Variants in NDRG3 observed in about 807,000 individuals in gnomAD.
NDRG3 encodes the protein NDRG family member 3.
Under a neutral mutation model 57.2 loss-of-function variants are expected in NDRG3, and 23 were observed. The observed-to-expected ratio is 0.40, with a 90% CI of 0.29 to 0.57. The LOEUF is 0.57. Among genes scored for constraint, NDRG3 ranks in the 20% least tolerant of loss-of-function variants. NDRG3 has a pLI of 0.42. For synonymous variants in NDRG3, 132 were observed against 162.6 expected (o/e 0.81, Z 1.43); for missense variants, 384 against 457.3 (o/e 0.84, Z 1.46).
chr20:36,730,195 T>C (rs1459672539), intron 1 of NDRG3, among the ~76,000 whole-genome samples: 3 of 148,770 alleles, frequency 2.0e-5, no homozygotes, highest in Admixed American at 2.0e-4. Flanking sequence ...TGCAGTGAGG[T>C]GAGATTGTGC....
intron 1 of NDRG3, among the ~76,000 whole-genome samples, chr20:36,734,997 A>G (rs1282695589): frequency 6.6e-6 from 1 of 152,148 alleles, no homozygotes; most frequent in Non-Finnish European, 1.5e-5. Context: ...ATAAAAGAGG[A>G]AATTCCAGAA....
intron 3 of NDRG3, among the ~76,000 whole-genome samples, chr20:36,695,672 C>G (rs943436205): frequency 2.0e-5 from 3 of 152,208 alleles, no homozygotes; most frequent in Non-Finnish European, 2.9e-5. Context: ...CAGACCAGTT[C>G]TCTGCTCTTG....
At chr20:36,730,049 C>T (rs1328929837) in intron 1 of NDRG3, among the ~76,000 whole-genome samples, 1 of 151,566 alleles carries the variant, frequency 6.6e-6, no homozygotes, top group Admixed American at 6.6e-5. Context: ...GAGTTTGAGA[C>T]CAGCCTGGCC....
intron 2 of NDRG3, among the ~76,000 whole-genome samples, chr20:36,707,621 T>C (rs1198860787): frequency 2.0e-5 from 3 of 152,118 alleles, no homozygotes; most frequent in Admixed American, 6.6e-5. Flanking sequence ...GGACAAGTCA[T>C]TGAATCATTT....
At chr20:36,683,819 CCTA>C (rs1357096545) in intron 6 of NDRG3, among the ~76,000 whole-genome samples, 1 of 151,878 alleles carries the variant, frequency 6.6e-6, no homozygotes, top group Non-Finnish European at 1.5e-5. Context: ...TATCCATCTA[CCTA>C]CTACTATCTA....
intron 1 of NDRG3, among the ~76,000 whole-genome samples, chr20:36,736,634 A>G (rs1213133870): frequency 6.6e-6 from 1 of 152,144 alleles, no homozygotes; most frequent in African/African-American, 2.4e-5. Flanking sequence ...ACGGTAATGG[A>G]TGTTGGTTCT....
At chr20:36,700,777 TCTTC>T (rs1705553789) in intron 3 of NDRG3, 1 of 186,080 alleles carries the variant, frequency 5.4e-6, no homozygotes, top group Non-Finnish European at 1.1e-5. Flanking sequence ...TCCTTTTCTT[TCTTC>T]TTTTTTTTTG....
chr20:36,723,607 C>T (rs1441786384), intron 1 of NDRG3, among the ~76,000 whole-genome samples: 6 of 148,300 alleles, frequency 4.0e-5, no homozygotes, highest in African/African-American at 1.3e-4. Flanking sequence ...AAAGGAGAAG[C>T]AATTATGTCT....
chr20:36,682,352 G>A (rs921608709), intron 7 of NDRG3, among the ~76,000 whole-genome samples, 166 bp downstream of exon 7: 2 of 152,128 alleles, frequency 1.3e-5, no homozygotes, highest in Non-Finnish European at 2.9e-5. Context: ...TTCAGGTATT[G>A]TTAAGTACAA....
At chr20:36,684,380 A>T (rs1036205800) in intron 6 of NDRG3, 33 bp downstream of exon 6, 11 of 1,578,834 alleles carry the variant, frequency 7.0e-6, no homozygotes, top group Non-Finnish European at 9.6e-6. Context: ...AAAGTCAATA[A>T]AAACTGCATG....
chr20:36,696,990 T>C (rs1230645895), intron 3 of NDRG3, among the ~76,000 whole-genome samples: 1 of 152,154 alleles, frequency 6.6e-6, no homozygotes, highest in East Asian at 1.9e-4. Context: ...TGAGGGCAAG[T>C]AGAACACTTA....
At chr20:36,667,876 C>A (rs989034701) in intron 9 of NDRG3, among the ~76,000 whole-genome samples, 1 of 152,086 alleles carries the variant, frequency 6.6e-6, no homozygotes. Flanking sequence ...GAAGGGTACG[C>A]GAATCACTAC....
chr20:36,725,954 G>A, intron 1 of NDRG3, among the ~76,000 whole-genome samples: 1 of 148,570 alleles, frequency 6.7e-6, no homozygotes. Flanking sequence ...TTTGAGATGG[G>A]GTCTTACTCT....
chr20:36,670,690 A>G (rs111757453), intron 9 of NDRG3, among the ~76,000 whole-genome samples: 216 of 152,300 alleles, frequency 1.4e-3, no homozygotes, highest in African/African-American at 4.5e-3. Context: ...TTTCCTTCAG[A>G]TAACATTTAA....
intron 15 of NDRG3, among the ~76,000 whole-genome samples, chr20:36,656,157 A>C (rs1345582739): frequency 6.6e-6 from 1 of 151,340 alleles, no homozygotes; most frequent in African/African-American, 2.4e-5. Flanking sequence ...AAAAAAAAGA[A>C]TATATATTGC....
At chr20:36,711,767 T>C (rs1365484655) in intron 2 of NDRG3, among the ~76,000 whole-genome samples, 1 of 152,214 alleles carries the variant, frequency 6.6e-6, no homozygotes, top group African/African-American at 2.4e-5. Flanking sequence ...GTGAAGACTA[T>C]TTAGCACTTG....
Position 36,667,037 on chromosome 20 carries a change from T to C in NDRG3, c.589-645A>G, listed in dbSNP as rs959674407. ...TTTTAGTAGAGACGGGGTCTCACCATGTTGGCCATGCTGGTCTTGAACTCT... is the reference window on the plus strand; with the variant it reads ...TTTTAGTAGAGACGGGGTCTCACCACGTTGGCCATGCTGGTCTTGAACTCT... On this transcript the variant is annotated intron_variant, in intron 9 of 15. Transcript: ENST00000349004. Among the ~76,000 whole-genome samples, 3 of 152,154 alleles carry C rather than the reference T, an allele frequency of 2.0e-5. No individual in the cohort carries two copies. The East Asian group carries it at 5.8e-4, about 29-fold the overall frequency.
chr20:36,721,778 G>GTA lies in NDRG3; in HGVS notation c.-45_-44dup, dbSNP rs57810036. 1.2e-3 allele frequency: 1,670 copies of GTA among 1,383,498 alleles called. 18 individuals carry two copies. In the African/African-American group the frequency reaches 0.022, roughly 18 times the overall value. 85.7% of individuals were successfully genotyped at this position (1,383,498 alleles called of 1,614,324 possible). ...GTAGAGGAATCTCAAGAATAAATCA[G>GTA]TAACTCTGAAACAGAAAAGAAAGAA... On this transcript the variant is annotated 5_prime_UTR_variant, in exon 2 of 16. Coordinates refer to ENST00000349004, the MANE Select transcript of NDRG3 (RefSeq NM_032013.4).
intron 3 of NDRG3, among the ~76,000 whole-genome samples, chr20:36,693,766 C>G: frequency 6.6e-6 from 1 of 151,562 alleles, no homozygotes; most frequent in East Asian, 1.9e-4. Context: ...CTCCCATCAC[C>G]CCCACATGGG....
Sources: allele counts gnomAD v4.1 joint callset (sites outside exome capture counted in the v4.1 genomes callset), GRCh38; gene constraint gnomAD v4.1.1; transcripts MANE v1.5; gene names NCBI Gene and HGNC (gene_info 2026-07-23, HGNC 2026-07-21).